The following DLG1 variants were observed in gnomAD, a reference collection of about 807,000 sequenced individuals.
DLG1 encodes the protein discs large MAGUK scaffold protein 1.
Under a neutral mutation model 123.4 loss-of-function variants are expected in DLG1, and 42 were observed. The ratio of observed to expected loss-of-function variants is 0.34; its 90% confidence interval spans 0.27 to 0.44. The LOEUF (loss-of-function observed/expected upper bound fraction) is 0.44, where lower values mean the gene tolerates loss of function less well. Ranked by LOEUF, DLG1 falls within the 20% of genes least tolerant of loss-of-function variation. The pLI, the probability that DLG1 is intolerant of heterozygous loss-of-function variation, is 1.00. For synonymous variants in DLG1, 317 were observed against 356.2 expected (o/e 0.89, Z 1.24); for missense variants, 942 against 1,082.6 (o/e 0.87, Z 1.82).
intron 5 of DLG1, among the ~76,000 whole-genome samples, chr3:197,155,728 C>G (rs1303398005): frequency 6.6e-6 from 1 of 151,916 alleles, no homozygotes; most frequent in Non-Finnish European, 1.5e-5. Flanking sequence ...CCCAGGAGTT[C>G]AAGACCAGCC....
intron 5 of DLG1, among the ~76,000 whole-genome samples, chr3:197,172,787 T>C (rs1422404541): frequency 6.6e-6 from 1 of 152,210 alleles, no homozygotes; most frequent in Non-Finnish European, 1.5e-5. Context: ...ATGTAAAAAA[T>C]TGCCAGTTTC....
chr3:197,163,687 A>ATTTTTTTTTTTTTTTTTTT (rs56865627), intron 5 of DLG1, among the ~76,000 whole-genome samples: 4 of 102,034 alleles, frequency 3.9e-5, no homozygotes, highest in Non-Finnish European at 5.6e-5. Flanking sequence ...ATGCTCAGCT[A>ATTTTTTTTTTTTTTTTTTT]TTTTTTTTTT....
At chr3:197,270,520 T>A (rs1763471826) in intron 4 of DLG1, among the ~76,000 whole-genome samples, 2 of 152,128 alleles carry the variant, frequency 1.3e-5, no homozygotes, top group African/African-American at 2.4e-5. Flanking sequence ...AAAAGAGTGT[T>A]ATAGAAGAAT....
rs772711169 is a variant in DLG1, at chr3:197,066,685, A to T, written c.2098+19T>A. 1 of 1,571,454 alleles carries T rather than the reference A, an allele frequency of 6.4e-7. No individual in the cohort carries two copies. Among genetic ancestry groups the T allele is most frequent in the East Asian group, 2.3e-5 (1 of 44,390 alleles). On this transcript the variant is annotated intron_variant, in intron 20 of 24. Coordinates refer to ENST00000667157, the MANE Select transcript of DLG1 (RefSeq NM_001366207.1). ...ATATTCTTCTAGAAGGTTATAAAAC[A>T]TCAATAGGCTTCACAAACCTTCTTG...
Position 197,130,671 on chromosome 3 carries a change from C to A in DLG1, c.1021G>T (p.Val341Leu). Residue 341 changes from valine to leucine, a missense_variant and splice_region_variant, in exon 11 of 25, where the codon GTG becomes TTG. Coordinates refer to ENST00000667157, the MANE Select transcript of DLG1 (RefSeq NM_001366207.1). ...ACTTCTTCTAAACATACGTTATTCA[C>A]CTAAAAAAAGTCCCAAAAGACATTT... ...KLQIGDKLLA[V>L]NNVCLEEVTH... is the part of the protein sequence containing the mutation. 6.3e-7 allele frequency: 1 copy of A among 1,584,386 alleles called. No homozygotes were observed. The highest frequency in any genetic ancestry group is 8.6e-7 in the Non-Finnish European group (1 of 1,167,592).
At chr3:197,244,679 T>C (rs531037764) in intron 4 of DLG1, among the ~76,000 whole-genome samples, 7 of 152,044 alleles carry the variant, frequency 4.6e-5, no homozygotes, top group African/African-American at 1.4e-4. Context: ...CTTTTTTGAC[T>C]GGGGTATGAT....
At chr3:197,119,867 C>CT (rs1205429765) in intron 11 of DLG1, among the ~76,000 whole-genome samples, 1 of 151,664 alleles carries the variant, frequency 6.6e-6, no homozygotes, top group African/African-American at 2.4e-5. Flanking sequence ...AGACTATGTC[C>CT]TTATACTAGC....
chr3:197,277,317 TTCC>T (rs1285981142), intron 4 of DLG1, among the ~76,000 whole-genome samples: 1 of 151,622 alleles, frequency 6.6e-6, no homozygotes, highest in Admixed American at 6.6e-5. Flanking sequence ...AATCAGGAAA[TTCC>T]TCCTACTCTT....
intron 4 of DLG1, among the ~76,000 whole-genome samples, chr3:197,245,651 C>T (rs925567842): frequency 6.6e-6 from 1 of 152,112 alleles, no homozygotes; most frequent in Non-Finnish European, 1.5e-5. Flanking sequence ...GTTAGCATTT[C>T]TCTTTGGTCT....
chr3:197,100,859 G>T (rs1055463994), intron 14 of DLG1, among the ~76,000 whole-genome samples: 4 of 152,050 alleles, frequency 2.6e-5, no homozygotes, highest in Non-Finnish European at 4.4e-5. Flanking sequence ...CCGAAGAATG[G>T]AAAGACCAGT....
intron 14 of DLG1, among the ~76,000 whole-genome samples, chr3:197,102,748 G>T (rs1485976623): frequency 6.6e-6 from 1 of 152,188 alleles, no homozygotes; most frequent in Admixed American, 6.5e-5. Flanking sequence ...GGTGGCAGGT[G>T]CCTGTAATCC....
At chr3:197,130,224 GAACAA>G (rs1781809073) in intron 11 of DLG1, among the ~76,000 whole-genome samples, 2 of 152,084 alleles carry the variant, frequency 1.3e-5, no homozygotes, top group Admixed American at 1.3e-4. Flanking sequence ...GGAAAACTTA[GAACAA>G]AACAATTTCA....
chr3:197,169,105 G>C (rs1399094412), intron 5 of DLG1, among the ~76,000 whole-genome samples: 1 of 152,112 alleles, frequency 6.6e-6, no homozygotes, highest in Non-Finnish European at 1.5e-5. Context: ...ACTTAAAACA[G>C]ATTTTCATAA....
At chr3:197,089,654 T>C (rs1756583223) in intron 15 of DLG1, among the ~76,000 whole-genome samples, 1 of 152,016 alleles carries the variant, frequency 6.6e-6, no homozygotes, top group African/African-American at 2.4e-5. Flanking sequence ...TTTGTAAATA[T>C]TTAATCAAGT....
intron 17 of DLG1, among the ~76,000 whole-genome samples, chr3:197,078,138 C>A (rs148020257): frequency 0.011 from 1,182 of 109,492 alleles, 15 homozygotes; most frequent in African/African-American, 0.038. Context: ...ATGGCGAAAC[C>A]CCATCTCAAA....
Position 197,140,213 on chromosome 3 carries a change from T to A in DLG1, c.640A>T (p.Ile214Phe), listed in dbSNP as rs1298827905. The A allele has an allele frequency of 6.2e-7, 1 of 1,613,700 alleles. No individual in the cohort carries two copies. Among genetic ancestry groups the A allele is most frequent in the African/African-American group, 1.3e-5 (1 of 75,010 alleles). Residue 214 changes from isoleucine (I) to phenylalanine (F), a missense_variant, in exon 8 of 25, where the codon ATT becomes TTT. Ile to Phe is a conservative substitution (Grantham distance 21). Coordinates refer to ENST00000667157, the MANE Select transcript of DLG1 (RefSeq NM_001366207.1). ...ATGAAAATACTTGAGTCATCTCCAATGTGTGGGTTGTCCGTACCTCCTGCA... is the reference window on the plus strand; with the variant it reads ...ATGAAAATACTTGAGTCATCTCCAAAGTGTGGGTTGTCCGTACCTCCTGCA... The part of the protein sequence containing the change: ...SIAGGTDNPH[I>F]GDDSSIFITK...
intron 4 of DLG1, among the ~76,000 whole-genome samples, chr3:197,222,039 C>T (rs1361226302): frequency 1.3e-5 from 2 of 152,100 alleles, no homozygotes; most frequent in Non-Finnish European, 2.9e-5. Flanking sequence ...TAATGTATTG[C>T]TCAGGGAAAA....
intron 3 of DLG1, among the ~76,000 whole-genome samples, chr3:197,283,938 G>C (rs1291301988): frequency 6.8e-6 from 1 of 147,584 alleles, no homozygotes; most frequent in Non-Finnish European, 1.5e-5. Context: ...CTTGGCTCAC[G>C]GCAACCTCCA....
chr3:197,229,911 G>A (rs941555002), intron 4 of DLG1, among the ~76,000 whole-genome samples: 1 of 152,208 alleles, frequency 6.6e-6, no homozygotes, highest in Non-Finnish European at 1.5e-5. Flanking sequence ...TTTGATAAAT[G>A]AGAGAAACTC....
Sources: allele counts gnomAD v4.1 joint callset (sites outside exome capture counted in the v4.1 genomes callset), GRCh38; gene constraint gnomAD v4.1.1; transcripts MANE v1.5; gene names NCBI Gene and HGNC (gene_info 2026-07-23, HGNC 2026-07-21).